Variants in NBEA observed in about 807,000 individuals in gnomAD.
NBEA encodes the protein neurobeachin, also known as lysosomal-trafficking regulator 2.
Under a neutral mutation model 343.4 loss-of-function variants are expected in NBEA, and 44 were observed. The ratio of observed to expected loss-of-function variants is 0.13; its 90% CI spans 0.10 to 0.16. The LOEUF is 0.16. Among genes scored for constraint, NBEA ranks in the 10% least tolerant of loss-of-function variants. NBEA has a pLI of 1.00. For synonymous variants in NBEA, 1,175 were observed against 1,238.7 expected, an observed-to-expected ratio of 0.95 and a Z score of 1.08; for missense variants, 2,555 against 3,631.3, an observed-to-expected ratio of 0.70 and a Z score of 7.62.
intron 38 of NBEA, among the ~76,000 whole-genome samples, chr13:35,404,394 A>G (rs2043157455): frequency 6.6e-6 from 1 of 150,470 alleles, no homozygotes; most frequent in South Asian, 2.1e-4. Context: ...AAAATGTGGC[A>G]CATATACACC....
At chr13:35,175,398 G>A (rs144039820) in intron 27 of NBEA, among the ~76,000 whole-genome samples, 83 of 152,230 alleles carry the variant, frequency 5.5e-4, no homozygotes, top group East Asian at 1.7e-3. Context: ...ATATATTGTC[G>A]TGAAACGAAT....
intron 38 of NBEA, among the ~76,000 whole-genome samples, chr13:35,422,440 T>C (rs892068309): frequency 6.6e-6 from 1 of 152,024 alleles, no homozygotes; most frequent in African/African-American, 2.4e-5. Flanking sequence ...CGAATGATGG[T>C]TTCCAGTTTC....
chr13:35,476,131 G>T (rs1380852428), intron 41 of NBEA: 3 of 1,613,980 alleles, frequency 1.9e-6, no homozygotes, highest in African/African-American at 2.7e-5. Context: ...GGCCTGGGCC[G>T]CAATCATGTT....
At chr13:34,996,856 G>A (rs1432084647) in intron 1 of NBEA, among the ~76,000 whole-genome samples, 1 of 152,090 alleles carries the variant, frequency 6.6e-6, no homozygotes, top group African/African-American at 2.4e-5. Flanking sequence ...AAAAATATAT[G>A]TGACGAAGAA....
chr13:35,231,566 G>A (rs1237532988), intron 33 of NBEA, among the ~76,000 whole-genome samples: 1 of 152,054 alleles, frequency 6.6e-6, no homozygotes, highest in Non-Finnish European at 1.5e-5. Flanking sequence ...CATTTTGTGA[G>A]TGTAAATATG....
intron 33 of NBEA, among the ~76,000 whole-genome samples, chr13:35,212,102 C>T (rs779080263): frequency 6.6e-6 from 1 of 152,042 alleles, no homozygotes; most frequent in Non-Finnish European, 1.5e-5. Context: ...TGAACACACT[C>T]ATCATCAACA....
intron 1 of NBEA, among the ~76,000 whole-genome samples, chr13:35,018,184 G>A (rs993001781): frequency 6.6e-6 from 1 of 151,876 alleles, no homozygotes; most frequent in African/African-American, 2.4e-5. Context: ...GGTAGTTTAG[G>A]GCCTCTCAAG....
At chr13:35,638,652 A>G (rs1399412224) in intron 49 of NBEA, among the ~76,000 whole-genome samples, 2 of 152,210 alleles carry the variant, frequency 1.3e-5, no homozygotes, top group Non-Finnish European at 2.9e-5. Flanking sequence ...CTCTAGGCCA[A>G]GAAGACTTAT....
chr13:35,111,067 GAA>G, intron 13 of NBEA, 89 bp downstream of exon 13: 1 of 1,048,204 alleles, frequency 9.5e-7, no homozygotes, highest in Middle Eastern at 2.9e-4. Flanking sequence ...ACATGACTAT[GAA>G]ATCACTGAAA....
intron 33 of NBEA, among the ~76,000 whole-genome samples, chr13:35,224,786 G>T (rs1465890712): frequency 6.6e-6 from 1 of 151,870 alleles, no homozygotes; most frequent in Non-Finnish European, 1.5e-5. Context: ...TTGTTTGTTT[G>T]TTTCTTCATG....
chr13:35,097,645 G>A (rs1566280099), intron 10 of NBEA, among the ~76,000 whole-genome samples: 1 of 151,836 alleles, frequency 6.6e-6, no homozygotes, highest in Non-Finnish European at 1.5e-5. Context: ...CAAATCAAGT[G>A]CTTAACTTTG....
chr13:35,202,945 A>G (rs1374322793), intron 31 of NBEA, among the ~76,000 whole-genome samples: 1 of 151,964 alleles, frequency 6.6e-6, no homozygotes, highest in East Asian at 1.9e-4. Context: ...TCTTATTTAA[A>G]TCTTATTTGC....
chr13:35,125,665 A>C (rs1308431116), intron 17 of NBEA, among the ~76,000 whole-genome samples: 1 of 152,196 alleles, frequency 6.6e-6, no homozygotes, highest in Non-Finnish European at 1.5e-5. Context: ...AGACTGCATC[A>C]AAAGAATTGG....
intron 7 of NBEA, among the ~76,000 whole-genome samples, chr13:35,056,571 A>G (rs1380003139): frequency 1.3e-5 from 2 of 151,964 alleles, no homozygotes; most frequent in African/African-American, 4.8e-5. Context: ...TGGTCCAGAG[A>G]TGATTTTAGT....
At chr13:35,423,384 C>T (rs1219863245) in intron 38 of NBEA, among the ~76,000 whole-genome samples, 1 of 152,160 alleles carries the variant, frequency 6.6e-6, no homozygotes, top group Non-Finnish European at 1.5e-5. Flanking sequence ...CCAGTTTTCC[C>T]AGCACCATTT....
intron 17 of NBEA, among the ~76,000 whole-genome samples, chr13:35,140,697 G>A (rs1004511472): frequency 6.6e-6 from 1 of 152,110 alleles, no homozygotes; most frequent in African/African-American, 2.4e-5. Context: ...GGCTCTTGGA[G>A]GCTAATGTTA....
intron 9 of NBEA, among the ~76,000 whole-genome samples, 177 bp from the exon 10 acceptor site, chr13:35,070,542 A>T (rs1354568717): frequency 5.9e-5 from 9 of 151,992 alleles, no homozygotes; most frequent in African/African-American, 1.9e-4. Context: ...TTGAAATTTA[A>T]AAGTGATTAG....
intron 28 of NBEA, among the ~76,000 whole-genome samples, chr13:35,178,421 A>G (rs1046654864): frequency 6.6e-6 from 1 of 151,690 alleles, no homozygotes; most frequent in African/African-American, 2.4e-5. Context: ...TTCAGCAGTG[A>G]CCTATTCAGC....
At chr13:35,026,614 G>A (rs1296095156) in intron 1 of NBEA, among the ~76,000 whole-genome samples, 1 of 152,066 alleles carries the variant, frequency 6.6e-6, no homozygotes, top group African/African-American at 2.4e-5. Context: ...TTTAGCAAAT[G>A]ATTGTTCCAT....
Sources: gnomAD v4.1 joint callset for allele counts (sites outside exome capture counted in the v4.1 genomes callset) on GRCh38, gnomAD v4.1.1 for gene constraint, MANE v1.5 for transcripts, NCBI Gene and HGNC (gene_info 2026-07-23, HGNC 2026-07-21) for gene names.